The following JMJD1C variants were observed in gnomAD, a reference collection of about 807,000 sequenced individuals.
The protein encoded by JMJD1C is jumonji domain containing 1C.
A neutral mutation model predicts 245.3 loss-of-function variants in JMJD1C; 31 were observed. The ratio of observed to expected loss-of-function variants is 0.13; its 90% CI spans 0.09 to 0.17. The LOEUF (loss-of-function observed/expected upper bound fraction) is 0.17. Among genes scored for constraint, JMJD1C ranks in the 10% least tolerant of loss-of-function variants. The pLI, the probability that JMJD1C is intolerant of heterozygous loss-of-function variation, is 1.00. For synonymous variants in JMJD1C, 1,057 were observed against 1,017.4 expected (o/e 1.04, Z -0.74); for missense variants, 2,691 against 3,000.2 (o/e 0.90, Z 2.41).
chr10:63,225,015 T>C (rs932394694), intron 3 of JMJD1C, among the ~76,000 whole-genome samples: 4 of 151,640 alleles, frequency 2.6e-5, no homozygotes, highest in Non-Finnish European at 5.9e-5. Flanking sequence ...TGAGCCGAGA[T>C]TGCACCACTG....
At chr10:63,422,957 C>CT (rs34111309) in intron 1 of JMJD1C, among the ~76,000 whole-genome samples, 155 of 147,046 alleles carry the variant, frequency 1.1e-3, no homozygotes, top group African/African-American at 3.2e-3. Context: ...GTTACCAAAA[C>CT]TTTTTTTTTT....
At chr10:63,502,804 A>G (rs1954602107) in intron 1 of JMJD1C, among the ~76,000 whole-genome samples, 1 of 152,228 alleles carries the variant, frequency 6.6e-6, no homozygotes, top group Non-Finnish European at 1.5e-5. Flanking sequence ...GTCTCACTCT[A>G]ACTTGGAATC....
Position 63,206,615 on chromosome 10 carries a change from T to C in JMJD1C, c.5054A>G (p.Lys1685Arg). The change falls in exon 10 of 26, where the codon AAG becomes AGG. Residue 1685 changes from lysine (K) to arginine (R), a missense_variant. By Grantham distance (26) the Lys-to-Arg change is conservative. Transcript: ENST00000399262. ...CTTACTATTACTGTTGCTTTGCAAC[T>C]TCAGTTTACTTCTTTCTTTGGCACT... is the stretch of plus-strand genomic sequence containing the variant. ...SRSAKERSKL[K>R]LQSNSNTGIP... The C allele has an allele frequency of 2.5e-6, 4 of 1,592,436 alleles. No individual in the cohort carries two copies. The South Asian group carries it at 3.5e-5, about 14-fold the overall frequency.
intron 1 of JMJD1C, among the ~76,000 whole-genome samples, chr10:63,392,908 A>G (rs1277590774): frequency 6.7e-6 from 1 of 148,154 alleles, no homozygotes; most frequent in Admixed American, 6.7e-5. Flanking sequence ...ACACACACAC[A>G]CGTGAGCAAA....
chr10:63,320,842 A>T (rs1940763989), intron 2 of JMJD1C, among the ~76,000 whole-genome samples: 1 of 152,052 alleles, frequency 6.6e-6, no homozygotes, highest in African/African-American at 2.4e-5. Flanking sequence ...CTAATGAGGC[A>T]ATCTTGGTGG....
chr10:63,503,367 T>C (rs1564975136), intron 1 of JMJD1C, among the ~76,000 whole-genome samples: 2 of 152,206 alleles, frequency 1.3e-5, no homozygotes, highest in African/African-American at 4.8e-5. Context: ...AGACAAATTA[T>C]TAATAATTAA....
chr10:63,295,088 A>G (rs1166980877), intron 2 of JMJD1C, among the ~76,000 whole-genome samples: 1 of 152,002 alleles, frequency 6.6e-6, no homozygotes, highest in African/African-American at 2.4e-5. Context: ...AAGGAATAGC[A>G]TTTAGATTTT....
At chr10:63,351,192 C>A (rs569314638) in intron 2 of JMJD1C, among the ~76,000 whole-genome samples, 2 of 151,696 alleles carry the variant, frequency 1.3e-5, no homozygotes, top group Admixed American at 6.6e-5. Context: ...AATTCTCCTG[C>A]CTCAGCCTCC....
At chr10:63,382,732 G>A (rs1947310888) in intron 1 of JMJD1C, 3 of 453,770 alleles carry the variant, frequency 6.6e-6, no homozygotes, top group Non-Finnish European at 1.3e-5. Context: ...ATTCTTTTGC[G>A]CTGGAAGCAG....
intron 1 of JMJD1C, among the ~76,000 whole-genome samples, chr10:63,432,906 A>G (rs1950847536): frequency 6.6e-6 from 1 of 152,204 alleles, no homozygotes; most frequent in South Asian, 2.1e-4. Context: ...TTTCATGACA[A>G]TTCTAAGACT....
chr10:63,284,955 A>G (rs1857826007), intron 2 of JMJD1C, among the ~76,000 whole-genome samples: 2 of 151,954 alleles, frequency 1.3e-5, no homozygotes, highest in South Asian at 4.2e-4. Flanking sequence ...ACATACACAC[A>G]CAATTTACAC....
At chr10:63,321,860 A>C (rs1940912388) in intron 2 of JMJD1C, among the ~76,000 whole-genome samples, 1 of 152,132 alleles carries the variant, frequency 6.6e-6, no homozygotes. Context: ...ACCTGGGACA[A>C]AGCTTCTCTA....
At chr10:63,388,594 G>A (rs1001505347) in intron 1 of JMJD1C, among the ~76,000 whole-genome samples, 8 of 152,056 alleles carry the variant, frequency 5.3e-5, no homozygotes, top group African/African-American at 1.2e-4. Context: ...AGCCTCAAAC[G>A]ATAGCACTAC....
At chr10:63,292,115 C>T (rs562250603) in intron 2 of JMJD1C, among the ~76,000 whole-genome samples, 7 of 86,894 alleles carry the variant, frequency 8.1e-5, no homozygotes, top group Non-Finnish European at 9.4e-5. Flanking sequence ...CCATATCTGA[C>T]TAATTTTTTT....
At chr10:63,367,386 A>G (rs1467501832) in intron 2 of JMJD1C, among the ~76,000 whole-genome samples, 1 of 152,002 alleles carries the variant, frequency 6.6e-6, no homozygotes, top group Non-Finnish European at 1.5e-5. Context: ...AGCTAGGATT[A>G]CAGGCATGCG....
intron 1 of JMJD1C, among the ~76,000 whole-genome samples, chr10:63,422,740 A>G (rs902056648): frequency 6.6e-6 from 1 of 152,220 alleles, no homozygotes; most frequent in Non-Finnish European, 1.5e-5. Context: ...GGGAAAGTTT[A>G]AATCATGGGC....
At chr10:63,231,811 ATAAAACAAGAAAATAGAC>A (rs1475123982) in intron 3 of JMJD1C, among the ~76,000 whole-genome samples, 1 of 152,150 alleles carries the variant, frequency 6.6e-6, no homozygotes, top group African/African-American at 2.4e-5. Context: ...ATAAAATAAA[ATAAAACAAGAAAATAGAC>A]TATCTCCTTT....
At chr10:63,489,081 C>G (rs897991007) in intron 1 of JMJD1C, among the ~76,000 whole-genome samples, 2 of 152,062 alleles carry the variant, frequency 1.3e-5, no homozygotes, top group African/African-American at 4.8e-5. Context: ...GTAAACAAAC[C>G]TACTGTGTTG....
chr10:63,222,683 G>C (rs1212583348), intron 3 of JMJD1C: 15 of 1,541,320 alleles, frequency 9.7e-6, no homozygotes, highest in African/African-American at 2.7e-5. Context: ...GCATTCATTT[G>C]ATGGTACCAA....
Sources: gnomAD v4.1 joint callset for allele counts (sites outside exome capture counted in the v4.1 genomes callset) on GRCh38, gnomAD v4.1.1 for gene constraint, MANE v1.5 for transcripts, NCBI Gene and HGNC (gene_info 2026-07-23, HGNC 2026-07-21) for gene names.